Variants in DYM observed in about 807,000 individuals in gnomAD.
DYM encodes the protein dymeclin, also known as dyggve-Melchior-Clausen syndrome protein.
DYM carries 78 observed loss-of-function variants against 93.1 expected under a neutral mutation model. The ratio of observed to expected loss-of-function variants is 0.84; its 90% CI spans 0.70 to 1.01. The LOEUF is 1.01. Ranked by LOEUF, DYM falls within the 50% of genes least tolerant of loss-of-function variation. The probability of loss-of-function intolerance (pLI) is 0.00; values close to 1 mark genes in which losing one functional copy is unlikely to be tolerated. For synonymous variants in DYM, 321 were observed against 319.7 expected, an observed-to-expected ratio of 1.00 and a Z score of -0.04; for missense variants, 789 against 845.0, an observed-to-expected ratio of 0.93 and a Z score of 0.82.
chr18:49,143,129 A>G (rs1379985669), intron 15 of DYM, among the ~76,000 whole-genome samples: 1 of 152,202 alleles, frequency 6.6e-6, no homozygotes, highest in Non-Finnish European at 1.5e-5. Flanking sequence ...TACACATATA[A>G]TTATTAATAT....
At chr18:49,418,814 C>G (rs1176225302) in intron 2 of DYM, among the ~76,000 whole-genome samples, 1 of 152,156 alleles carries the variant, frequency 6.6e-6, no homozygotes, top group Admixed American at 6.5e-5. Context: ...AAAGCCTACT[C>G]AGTCCCAAGG....
intron 17 of DYM, among the ~76,000 whole-genome samples, chr18:49,066,534 T>C (rs1269513874): frequency 6.6e-6 from 1 of 152,200 alleles, no homozygotes; most frequent in East Asian, 1.9e-4. Context: ...CTGGGTTGTT[T>C]CCAGGGTTGG....
intron 13 of DYM, among the ~76,000 whole-genome samples, chr18:49,234,657 A>G (rs1413066105): frequency 2.0e-5 from 3 of 152,184 alleles, no homozygotes; most frequent in Admixed American, 6.5e-5. Flanking sequence ...AAAGATGTCT[A>G]TGCCCTAATG....
chr18:49,096,084 G>T (rs2079519439), intron 17 of DYM, among the ~76,000 whole-genome samples: 1 of 151,966 alleles, frequency 6.6e-6, no homozygotes, highest in Non-Finnish European at 1.5e-5. Flanking sequence ...ACAAACCAAG[G>T]TCTTACTTTA....
At chr18:49,205,367 G>A (rs1600638242) in intron 14 of DYM, among the ~76,000 whole-genome samples, 2 of 152,124 alleles carry the variant, frequency 1.3e-5, no homozygotes, top group Admixed American at 1.3e-4. Context: ...AAAAAGATCT[G>A]GTAATTCTAT....
At chr18:49,283,462 A>T (rs934077322) in intron 9 of DYM, among the ~76,000 whole-genome samples, 9 of 152,124 alleles carry the variant, frequency 5.9e-5, no homozygotes, top group Non-Finnish European at 1.3e-4. Context: ...TGGAACAATG[A>T]AAAGAACAAA....
intron 15 of DYM, among the ~76,000 whole-genome samples, chr18:49,146,882 C>T (rs1308135682): frequency 1.3e-4 from 20 of 152,172 alleles, no homozygotes; most frequent in Admixed American, 3.9e-4. Flanking sequence ...GAGCCCGCAT[C>T]GCCAAGTCAA....
intron 13 of DYM, among the ~76,000 whole-genome samples, chr18:49,246,440 G>A (rs767173283): frequency 4.6e-5 from 7 of 152,100 alleles, no homozygotes; most frequent in Non-Finnish European, 8.8e-5. Flanking sequence ...TTCTTATCTG[G>A]CCTTAGCATT....
chr18:49,400,438 C>T (rs2148031116), intron 2 of DYM, among the ~76,000 whole-genome samples: 1 of 152,218 alleles, frequency 6.6e-6, no homozygotes, highest in East Asian at 1.9e-4. Flanking sequence ...CCTCGTTCAA[C>T]AATCAACACT....
rs35299705 is a variant in DYM, at chr18:49,036,720, T to TTGTG, written c.*7331_*7334dup. 6.6e-6 allele frequency among the ~76,000 whole-genome samples: 1 copy of TTGTG among 150,624 alleles called. No individual in the cohort carries two copies. The highest frequency in any genetic ancestry group is 1.5e-5 in the Non-Finnish European group (1 of 67,600). On this transcript the variant is annotated 3_prime_UTR_variant, in exon 18 of 18. Transcript: ENST00000675505. ...GCACACACCACCATGCTCAGCTAAT[T>TTGTG]TGTGTGTGTGTGTGTGTAGAGACAG...
At chr18:49,194,720 TAAC>T (rs2091288024) in intron 14 of DYM, among the ~76,000 whole-genome samples, 1 of 152,162 alleles carries the variant, frequency 6.6e-6, no homozygotes, top group Non-Finnish European at 1.5e-5. Flanking sequence ...CAATAAATCT[TAAC>T]AATACTCTCA....
chr18:49,281,371 C>T (rs2094971491), intron 10 of DYM, among the ~76,000 whole-genome samples: 1 of 152,154 alleles, frequency 6.6e-6, no homozygotes, highest in Admixed American at 6.5e-5. Flanking sequence ...TAAACTAGTT[C>T]AACCATTGTG....
intron 1 of DYM, among the ~76,000 whole-genome samples, chr18:49,437,118 A>G (rs1014032280): frequency 1.3e-5 from 2 of 152,316 alleles, no homozygotes; most frequent in Admixed American, 1.3e-4. Context: ...ACAAAATACA[A>G]AAGCTTCAAA....
At chr18:49,048,121 C>G (rs2071876433) in intron 17 of DYM, 1 of 152,218 alleles carries the variant, frequency 6.6e-6, no homozygotes, top group Non-Finnish European at 1.5e-5. Context: ...AAATTTGATT[C>G]TCTTAGGCTC....
intron 14 of DYM, among the ~76,000 whole-genome samples, chr18:49,208,047 GT>G (rs2092606291): frequency 6.6e-6 from 1 of 151,858 alleles, no homozygotes; most frequent in Admixed American, 6.6e-5. Context: ...GCCAGGCGTG[GT>G]GGTGCACACC....
At chr18:49,174,078 T>A (rs940775330) in intron 14 of DYM, among the ~76,000 whole-genome samples, 11 of 152,186 alleles carry the variant, frequency 7.2e-5, no homozygotes, top group Non-Finnish European at 1.3e-4. Flanking sequence ...CCATTGAATT[T>A]TGTCAAATGC....
intron 8 of DYM, among the ~76,000 whole-genome samples, chr18:49,289,746 T>TACAC (rs2059938654): frequency 2.3e-5 from 1 of 42,864 alleles, no homozygotes. Context: ...TATATATATA[T>TACAC]ATATATATAT....
intron 14 of DYM, among the ~76,000 whole-genome samples, chr18:49,207,681 G>A (rs918978910): frequency 2.0e-5 from 3 of 152,142 alleles, no homozygotes; most frequent in South Asian, 2.1e-4. Context: ...CTTGTCTGAC[G>A]GCCTGCCCTG....
At chr18:49,132,681 G>A (rs1006886565) in intron 15 of DYM, among the ~76,000 whole-genome samples, 13 of 151,990 alleles carry the variant, frequency 8.6e-5, no homozygotes, top group African/African-American at 2.2e-4. Flanking sequence ...AACAAAAACC[G>A]TCATTAAAAT....
Sources: allele counts gnomAD v4.1 joint callset (sites outside exome capture counted in the v4.1 genomes callset), GRCh38; gene constraint gnomAD v4.1.1; transcripts MANE v1.5; gene names NCBI Gene and HGNC (gene_info 2026-07-23, HGNC 2026-07-21).